INPP5A: variants seen among roughly 807,000 people sequenced by gnomAD.
INPP5A encodes inositol polyphosphate-5-phosphatase A.
Under a neutral mutation model 65.2 loss-of-function variants are expected in INPP5A, and 14 were observed. That is an observed-to-expected ratio of 0.21 (90% CI 0.14 to 0.34). The LOEUF is 0.34. Ranked by LOEUF, INPP5A falls within the 10% of genes least tolerant of loss-of-function variation. The pLI, the probability that INPP5A is intolerant of heterozygous loss-of-function variation, is 1.00. For synonymous variants in INPP5A, 207 were observed against 208.3 expected, an observed-to-expected ratio of 0.99 and a Z score of 0.05; for missense variants, 431 against 545.6, an observed-to-expected ratio of 0.79 and a Z score of 2.09.
chr10:132,764,044 G>A (rs889631248), intron 11 of INPP5A, among the ~76,000 whole-genome samples: 21 of 152,392 alleles, frequency 1.4e-4, no homozygotes, highest in African/African-American at 4.3e-4. Context: ...GGTGCTGGAG[G>A]GAGGGAGTTG....
chr10:132,711,174 G>A (rs986563756), intron 8 of INPP5A, among the ~76,000 whole-genome samples: 4 of 152,184 alleles, frequency 2.6e-5, no homozygotes, highest in Admixed American at 2.6e-4. Flanking sequence ...GAGCGTGGGG[G>A]CCACCTCCAC....
chr10:132,766,087 A>AGT (rs199922938), intron 12 of INPP5A, among the ~76,000 whole-genome samples: 2,986 of 151,490 alleles, frequency 0.02, 76 homozygotes, highest in African/African-American at 0.067. Flanking sequence ...CATGTGCACG[A>AGT]GTGTGTGTGC....
intron 7 of INPP5A, among the ~76,000 whole-genome samples, chr10:132,709,697 A>T (rs1294083075): frequency 6.6e-6 from 1 of 152,200 alleles, no homozygotes; most frequent in African/African-American, 2.4e-5. Flanking sequence ...TGTGGAGGAC[A>T]CGCAGGCAGT....
rs553363331 is a variant in INPP5A, at chr10:132,753,331, T to G, written c.903+3486T>G. 6.6e-6 allele frequency among the ~76,000 whole-genome samples: 1 copy of G among 152,150 alleles called. No individual in the cohort carries two copies. Among genetic ancestry groups the G allele is most frequent in the Admixed American group, 6.5e-5 (1 of 15,288 alleles). The stretch of plus-strand genomic sequence containing the variant: ...CACCGCAGCCATGGAGAGCAAACTC[T>G]CCGTCCGCAGGATGGATGTGCCTGC... On this transcript the variant is annotated intron_variant, in intron 11 of 15. Coordinates refer to ENST00000368594, the MANE Select transcript of INPP5A (RefSeq NM_005539.5). This position sits in a 1 kb window ranked among gnomAD's most constrained non-coding sequence, Gnocchi z 5.3.
intron 1 of INPP5A, among the ~76,000 whole-genome samples, chr10:132,596,578 C>G (rs1343736231): frequency 6.6e-6 from 1 of 152,134 alleles, no homozygotes; most frequent in Non-Finnish European, 1.5e-5. Flanking sequence ...CAGGCACCCA[C>G]CACCATGCCC....
At position 132,697,740 on chromosome 10, in the gene INPP5A, A is replaced by C; in HGVS notation, c.371-76A>C. On this transcript the variant is annotated intron_variant, in intron 5 of 15. Coordinates refer to ENST00000368594, the MANE Select transcript of INPP5A (RefSeq NM_005539.5). The surrounding 1 kb of genome is among the most constrained non-coding windows in gnomAD (Gnocchi z 5.6). ...CTCCCATCGGGCTGAAGTCGGGTGGAAACAGGTTGTGCTCCAGGCTGGTTG... is the reference window on the plus strand; with the variant it reads ...CTCCCATCGGGCTGAAGTCGGGTGGCAACAGGTTGTGCTCCAGGCTGGTTG... 1 of 1,036,072 alleles carries C rather than the reference A, an allele frequency of 9.7e-7. No homozygotes were observed. The highest frequency in any genetic ancestry group is 1.3e-5 in the South Asian group (1 of 74,310). The allele number at this position is 1,036,072 out of a possible 1,614,324, so 64.2% of individuals were successfully genotyped here. A position where few individuals can be genotyped will look rare whatever the true frequency, so the allele number is the denominator to read the frequency against.
chr10:132,694,900 C>T (rs147941534), intron 5 of INPP5A, among the ~76,000 whole-genome samples: 3 of 152,024 alleles, frequency 2.0e-5, no homozygotes, highest in Non-Finnish European at 4.4e-5. Context: ...AATTAATAAC[C>T]TGCTGAAAAA....
chr10:132,692,034 T>A (rs1291498375), intron 5 of INPP5A, among the ~76,000 whole-genome samples: 2 of 151,996 alleles, frequency 1.3e-5, no homozygotes, highest in African/African-American at 4.8e-5. Context: ...CTGCTGATGC[T>A]CAGCGCAGTC....
At chr10:132,725,239 A>G (rs1037325843) in intron 8 of INPP5A, among the ~76,000 whole-genome samples, 5 of 152,382 alleles carry the variant, frequency 3.3e-5, no homozygotes, top group African/African-American at 1.2e-4. Context: ...CCTACGCTCC[A>G]TAGCCAAAGT....
chr10:132,710,460 G>A lies in INPP5A; in HGVS notation c.647+4G>A, dbSNP rs1202096225. On this transcript the variant is annotated splice_donor_region_variant and intron_variant, in intron 8 of 15. Coordinates refer to ENST00000368594, the MANE Select transcript of INPP5A (RefSeq NM_005539.5). ...CACTGGGCTACGTGCTGGACAGGTA[G>A]GTGTGGGCGGGCAGGTAGGCGTGGG... is the stretch of plus-strand genomic sequence containing the variant. 6 of 1,612,512 alleles carry A rather than the reference G, an allele frequency of 3.7e-6. No homozygotes were observed. Among genetic ancestry groups the A allele is most frequent in the Non-Finnish European group, 5.1e-6 (6 of 1,179,516 alleles).
Position 132,650,461 on chromosome 10 carries a change from C to G in INPP5A, c.262C>G (p.Arg88Gly). The G allele has an allele frequency of 6.2e-7, 1 of 1,613,828 alleles. No homozygotes were observed. The highest frequency in any genetic ancestry group is 1.3e-5 in the African/African-American group (1 of 75,040). ...TGCGATGAAAGAATATAACAGGGCT[C>G]GAGTCTACCTGGATGAAAACTACAA... ...SDAMKEYNRA[R>G]VYLDENYKSQ... Residue 88 changes from arginine to glycine, a missense_variant, in exon 4 of 16, where the codon CGA (arginine) becomes GGA (glycine). By Grantham distance (125) the Arg-to-Gly change is moderately radical. Transcript: ENST00000368594. The surrounding 1 kb of genome is among the most constrained non-coding windows in gnomAD (Gnocchi z 5.5).
intron 11 of INPP5A, among the ~76,000 whole-genome samples, chr10:132,752,513 CGTGGCGTGGAGGAGGT>C (rs1333252634): frequency 1.1e-5 from 1 of 87,986 alleles, no homozygotes; most frequent in African/African-American, 4.6e-5. Flanking sequence ...TGTGGAGGGG[CGTGGCGTGGAGGAGGT>C]GTGGCGTGGA....
intron 6 of INPP5A, among the ~76,000 whole-genome samples, chr10:132,701,614 T>G (rs1845438855): frequency 6.6e-6 from 1 of 152,246 alleles, no homozygotes; most frequent in African/African-American, 2.4e-5. Context: ...TTCCCGGCCC[T>G]GCTCTGGAGG....
chr10:132,667,570 G>C (rs182585103), intron 4 of INPP5A, among the ~76,000 whole-genome samples: 1 of 152,348 alleles, frequency 6.6e-6, no homozygotes, highest in Admixed American at 6.5e-5. Context: ...GGCCCAGACA[G>C]CTTCCTGTCA....
chr10:132,760,258 C>T (rs1476564244), intron 11 of INPP5A, among the ~76,000 whole-genome samples: 4 of 152,246 alleles, frequency 2.6e-5, no homozygotes, highest in Non-Finnish European at 5.9e-5. Flanking sequence ...GCAGCCCAGA[C>T]AGGCACAGGG....
At chr10:132,728,408 A>T (rs78231437) in intron 9 of INPP5A, among the ~76,000 whole-genome samples, 3,289 of 152,288 alleles carry the variant, frequency 0.022, 55 homozygotes, top group South Asian at 0.053. Context: ...TCCTTGCTAG[A>T]ATCCATGTCC....
chr10:132,761,157 G>A (rs566620042), intron 11 of INPP5A, among the ~76,000 whole-genome samples: 1 of 152,194 alleles, frequency 6.6e-6, no homozygotes, highest in African/African-American at 2.4e-5. Flanking sequence ...TGGCGTCTTC[G>A]GGTGCCACAT....
intron 9 of INPP5A, among the ~76,000 whole-genome samples, chr10:132,729,424 G>GC (rs1312667723): frequency 1.3e-5 from 2 of 152,208 alleles, no homozygotes; most frequent in Non-Finnish European, 2.9e-5. Flanking sequence ...GGCAGTCGCA[G>GC]CACGGCAGCT....
At chr10:132,608,997 A>G (rs117814066) in intron 2 of INPP5A, among the ~76,000 whole-genome samples, 2,300 of 152,270 alleles carry the variant, frequency 0.015, 32 homozygotes, top group South Asian at 0.039. Context: ...CAGTGCTCCC[A>G]TGTGGTGAGG....
Sources: allele counts gnomAD v4.1 joint callset (sites outside exome capture counted in the v4.1 genomes callset), GRCh38; gene constraint gnomAD v4.1.1; non-coding constraint Gnocchi (gnomAD v3.1); transcripts MANE v1.5; gene names NCBI Gene and HGNC (gene_info 2026-07-23, HGNC 2026-07-21).